ZBTB2: variants seen among roughly 807,000 people sequenced by gnomAD.
The protein encoded by ZBTB2 is zinc finger and BTB domain containing 2.
Under a neutral mutation model 39.5 loss-of-function variants are expected in ZBTB2, and 2 were observed. The observed-to-expected ratio is 0.05, with a 90% CI of 0.02 to 0.16. The LOEUF (loss-of-function observed/expected upper bound fraction) is 0.16. Ranked by LOEUF, ZBTB2 falls within the 10% of genes least tolerant of loss-of-function variation. ZBTB2 has a pLI of 1.00. For missense variants in ZBTB2, 391 were observed against 653.0 expected, an observed-to-expected ratio of 0.60 and a Z score of 4.37; for synonymous variants, 251 against 256.6, an observed-to-expected ratio of 0.98 and a Z score of 0.21.
chr6:151,368,209 C>T (rs1223921363), intron 2 of ZBTB2, among the ~76,000 whole-genome samples: 3 of 152,034 alleles, frequency 2.0e-5, no homozygotes, highest in South Asian at 2.1e-4. Flanking sequence ...TGCAGTGGTG[C>T]GATCTCGGCT....
chr6:151,373,751 GC>G, intron 1 of ZBTB2, 102 bp from the exon 2 acceptor site: 1 of 1,014,398 alleles, frequency 9.9e-7, no homozygotes, highest in Admixed American at 2.9e-5. Context: ...TGTCATCATA[GC>G]TAACGTGTCA....
intron 1 of ZBTB2, among the ~76,000 whole-genome samples, chr6:151,383,323 TAG>T (rs1465509040): frequency 6.6e-6 from 1 of 152,210 alleles, no homozygotes; most frequent in Admixed American, 6.5e-5. Flanking sequence ...TAGCTGGGAC[TAG>T]AAGTGCATGC....
chr6:151,375,193 CA>C lies in ZBTB2; in HGVS notation c.-12-1545del, dbSNP rs966482978. 1.4e-3 allele frequency among the ~76,000 whole-genome samples: 213 copies of C among 151,014 alleles called. 3 individuals carry two copies. Among genetic ancestry groups the C allele is most frequent in the South Asian group, 8.4e-4 (4 of 4,760 alleles). ...ACGAGTTTGGCAAGTCATAAACATA[CA>C]AAAAAAAATCAGCTGTAATTCTATA... On this transcript the variant is annotated intron_variant, in intron 1 of 2. Coordinates refer to ENST00000325144, the MANE Select transcript of ZBTB2 (RefSeq NM_020861.3).
intron 1 of ZBTB2, among the ~76,000 whole-genome samples, chr6:151,383,578 C>T (rs1779088572): frequency 6.6e-6 from 1 of 152,144 alleles, no homozygotes; most frequent in Admixed American, 6.6e-5. Flanking sequence ...GATGATTTGG[C>T]TCCTGACAGC....
intron 1 of ZBTB2, among the ~76,000 whole-genome samples, chr6:151,381,184 A>G (rs1362629353): frequency 2.0e-5 from 3 of 152,194 alleles, no homozygotes; most frequent in Admixed American, 6.5e-5. Flanking sequence ...CACAACAGCC[A>G]GAATGACCTT....
At chr6:151,375,486 A>AT (rs773899430) in intron 1 of ZBTB2, among the ~76,000 whole-genome samples, 46 of 152,314 alleles carry the variant, frequency 3.0e-4, no homozygotes, top group African/African-American at 1.1e-3. Flanking sequence ...TCCCAGCAAC[A>AT]TTTTTTTGTA....
intron 2 of ZBTB2, among the ~76,000 whole-genome samples, chr6:151,367,893 C>G (rs1778684634): frequency 6.6e-6 from 1 of 152,106 alleles, no homozygotes. Flanking sequence ...AAGAGGTTCC[C>G]AAGAACTCTT....
chr6:151,375,107 G>A (rs929301660), intron 1 of ZBTB2, among the ~76,000 whole-genome samples: 1 of 151,778 alleles, frequency 6.6e-6, no homozygotes, highest in South Asian at 2.1e-4. Flanking sequence ...GTGACACAGC[G>A]AGACTCCATC....
At chr6:151,380,357 C>A (rs997556928) in intron 1 of ZBTB2, among the ~76,000 whole-genome samples, 1 of 152,240 alleles carries the variant, frequency 6.6e-6, no homozygotes, top group African/African-American at 2.4e-5. Flanking sequence ...ATGGGCTCCA[C>A]CCTGGCCCCT....
At chr6:151,389,491 C>T (rs1779235925) in intron 1 of ZBTB2, among the ~76,000 whole-genome samples, 1 of 152,214 alleles carries the variant, frequency 6.6e-6, no homozygotes, top group Non-Finnish European at 1.5e-5. Context: ...CGCCCTGGTG[C>T]TCCAACGGGG....
At position 151,364,891 on chromosome 6, in the gene ZBTB2, T is replaced by C. The variant is rs1247228235; in HGVS notation, c.*630A>G. The C allele has an allele frequency of 6.5e-6, 1 of 152,730 alleles. No individual in the cohort carries two copies. The highest frequency in any genetic ancestry group is 1.5e-5 in the Non-Finnish European group (1 of 68,106). 9.5% of individuals were successfully genotyped at this position (152,730 alleles called of 1,614,324 possible). The stretch of plus-strand genomic sequence containing the variant: ...TACAAACACACAAACTCACAGCTTG[T>C]CATGTTGTACCCAAAAATTAAGATT... On this transcript the variant is annotated 3_prime_UTR_variant, in exon 3 of 3. Coordinates refer to ENST00000325144, the MANE Select transcript of ZBTB2 (RefSeq NM_020861.3).
chr6:151,373,780 T>G (rs1362390665), intron 1 of ZBTB2, 131 bp from the exon 2 acceptor site: 1 of 603,954 alleles, frequency 1.7e-6, no homozygotes, highest in Non-Finnish European at 2.6e-6. Flanking sequence ...CTAAAAACGT[T>G]ACACAGATTA....
At chr6:151,368,825 A>G (rs1367644413) in intron 2 of ZBTB2, among the ~76,000 whole-genome samples, 2 of 151,434 alleles carry the variant, frequency 1.3e-5, no homozygotes, top group East Asian at 3.9e-4. Context: ...GTGCAGTGGC[A>G]TGATTTTGGC....
chr6:151,376,009 A>C (rs1778900914), intron 1 of ZBTB2, among the ~76,000 whole-genome samples: 1 of 152,248 alleles, frequency 6.6e-6, no homozygotes, highest in Non-Finnish European at 1.5e-5. Context: ...CAAAACTGTG[A>C]ACCCAGAAGT....
At chr6:151,389,371 A>G (rs1779233517) in intron 1 of ZBTB2, among the ~76,000 whole-genome samples, 2 of 152,208 alleles carry the variant, frequency 1.3e-5, no homozygotes, top group Non-Finnish European at 2.9e-5. Context: ...CCAATTTATA[A>G]TTTTGGTTTG....
At position 151,391,557 on chromosome 6, in the gene ZBTB2, C is replaced by CGCGGCGGCG. The variant is rs531722252; in HGVS notation, c.-151_-150insCGCCGCCGC. 1.4e-4 allele frequency: 22 copies of CGCGGCGGCG among 153,702 alleles called. No individual in the cohort carries two copies. Among genetic ancestry groups the CGCGGCGGCG allele is most frequent in the Non-Finnish European group, 2.1e-4 (15 of 70,582 alleles). The allele number at this position is 153,702 out of a possible 1,614,324, so 9.5% of individuals were successfully genotyped here. On this transcript the variant is annotated 5_prime_UTR_variant, in exon 1 of 3. Coordinates refer to ENST00000325144, the MANE Select transcript of ZBTB2 (RefSeq NM_020861.3). Reference sequence around the variant, plus strand: ...CTGCCGCCGCGGTCGGTGTCTCCGGCGCGGCGGCGGCGGCGGCGGCGGGGC... The same window carrying CGCGGCGGCG: ...CTGCCGCCGCGGTCGGTGTCTCCGGCGCGGCGGCGGCGGCGGCGGCGGCGGCGGCGGGGC...
At chr6:151,390,649 G>A (rs1471246755) in intron 1 of ZBTB2, among the ~76,000 whole-genome samples, 1 of 151,526 alleles carries the variant, frequency 6.6e-6, no homozygotes, top group Non-Finnish European at 1.5e-5. Context: ...GCCCCCGCCC[G>A]CGAGCGGGAG....
chr6:151,390,581 G>A (rs1454983360), intron 1 of ZBTB2, among the ~76,000 whole-genome samples: 5 of 150,974 alleles, frequency 3.3e-5, no homozygotes, highest in African/African-American at 1.2e-4. Flanking sequence ...AGAGGGATGA[G>A]CGCGCGCGAG....
chr6:151,391,366 C>T (rs1223486856), intron 1 of ZBTB2, 54 bp downstream of exon 1: 2 of 151,954 alleles, frequency 1.3e-5, no homozygotes, highest in Admixed American at 6.6e-5. Flanking sequence ...GGACCCTGGG[C>T]TGGGGGTGGC....
Sources: allele counts gnomAD v4.1 joint callset (sites outside exome capture counted in the v4.1 genomes callset), GRCh38; gene constraint gnomAD v4.1.1; transcripts MANE v1.5; gene names NCBI Gene and HGNC (gene_info 2026-07-23, HGNC 2026-07-21).